The following RBBP4 variants were observed in gnomAD, a reference collection of about 807,000 sequenced individuals.
RBBP4 encodes RB binding protein 4, chromatin remodeling factor, also known as histone-binding protein RBBP4.
A neutral mutation model predicts 57.2 loss-of-function variants in RBBP4; 3 were observed. The observed-to-expected ratio is 0.05, with a 90% CI of 0.02 to 0.14. The LOEUF (loss-of-function observed/expected upper bound fraction) is 0.14. Ranked by LOEUF, RBBP4 falls within the 10% of genes least tolerant of loss-of-function variation. The pLI, the probability that RBBP4 is intolerant of heterozygous loss-of-function variation, is 1.00. For synonymous variants in RBBP4, 151 were observed against 171.5 expected, an observed-to-expected ratio of 0.88 and a Z score of 0.93; for missense variants, 107 against 520.6, an observed-to-expected ratio of 0.21 and a Z score of 7.73.
chr1:32,654,384 A>G lies in RBBP4; in HGVS notation c.164+2323A>G, dbSNP rs1051687181. Among the ~76,000 whole-genome samples, 5 of 152,242 alleles carry G rather than the reference A, an allele frequency of 3.3e-5. No individual in the cohort carries two copies. In the East Asian group the frequency reaches 9.7e-4, roughly 29 times the overall value. The stretch of plus-strand genomic sequence containing the variant: ...GGGATTGCCACCCTGTCTCAAAGAA[A>G]AAGAACTTGTGGCAGAGTACTTAAT... On this transcript the variant is annotated intron_variant, in intron 2 of 11. Transcript: ENST00000373493.
chr1:32,678,593 TTTTTTTTTTTTTTTG>T (rs1649227525), intron 11 of RBBP4, among the ~76,000 whole-genome samples: 3 of 102,950 alleles, frequency 2.9e-5, no homozygotes, highest in African/African-American at 1.6e-4. Context: ...TTTTTTTTTT[TTTTTTTTTTTTTTTG>T]GCACACAGTC....
chr1:32,662,206 G>GT (rs1169700847), intron 3 of RBBP4: 2 of 347,654 alleles, frequency 5.8e-6, no homozygotes, highest in African/African-American at 4.4e-5. Context: ...TTGGGGTTTT[G>GT]TTTTATTTTT....
chr1:32,667,969 A>G (rs1029471844), intron 3 of RBBP4, among the ~76,000 whole-genome samples: 6 of 152,306 alleles, frequency 3.9e-5, no homozygotes, highest in East Asian at 1.9e-4. Flanking sequence ...GAATATTTTC[A>G]ATTAATGGCT....
chr1:32,651,292 G>C lies in RBBP4; in HGVS notation c.-15G>C, dbSNP rs1424785079. 20 of 1,483,558 alleles carry C rather than the reference G, an allele frequency of 1.3e-5. No individual in the cohort carries two copies. In the Admixed American group the frequency reaches 3.5e-4, roughly 26 times the overall value. 91.9% of individuals were successfully genotyped at this position (1,483,558 alleles called of 1,614,324 possible). ...AACGCTCGACCCCAGGATTCCCCCG[G>C]CTCGCCTGCCCGCCATGGCCGACAA... On this transcript the variant is annotated 5_prime_UTR_variant, in exon 1 of 12. Coordinates refer to ENST00000373493, the MANE Select transcript of RBBP4 (RefSeq NM_005610.3).
At chr1:32,654,662 A>G (rs1648053830) in intron 2 of RBBP4, among the ~76,000 whole-genome samples, 1 of 152,198 alleles carries the variant, frequency 6.6e-6, no homozygotes, top group African/African-American at 2.4e-5. Flanking sequence ...GCAAATCTAG[A>G]TAAATAATGT....
chr1:32,655,318 A>G (rs898020482), intron 2 of RBBP4, among the ~76,000 whole-genome samples: 2 of 152,172 alleles, frequency 1.3e-5, no homozygotes, highest in African/African-American at 4.8e-5. Flanking sequence ...ACAAGCAAGC[A>G]GCCCTGATGC....
At chr1:32,661,780 C>G (rs1648422169) in intron 3 of RBBP4, among the ~76,000 whole-genome samples, 1 of 122,376 alleles carries the variant, frequency 8.2e-6, no homozygotes, top group Admixed American at 9.4e-5. Flanking sequence ...TTGCATTTTT[C>G]TGATGATTGG....
At chr1:32,667,337 C>T (rs112470553) in intron 3 of RBBP4, among the ~76,000 whole-genome samples, 97 of 152,348 alleles carry the variant, frequency 6.4e-4, no homozygotes, top group Middle Eastern at 3.4e-3. Flanking sequence ...AAAACGCTGA[C>T]GTATGCTGCC....
In RBBP4 at chr1:32,680,736, G is replaced by C. The variant is rs570926042; in HGVS notation, c.*1031G>C. ...TTCTAGAAGAGTCCTTCAGATGACA[G>C]TTGTTGTCCATGGTCTTTGACTATC... On this transcript the variant is annotated 3_prime_UTR_variant, in exon 12 of 12. Coordinates refer to ENST00000373493, the MANE Select transcript of RBBP4 (RefSeq NM_005610.3). 2 of 548,336 alleles carry C rather than the reference G, an allele frequency of 3.6e-6. No individual in the cohort carries two copies. The highest frequency in any genetic ancestry group is 3.1e-5 in the East Asian group (1 of 31,976). 34.0% of individuals were successfully genotyped at this position (548,336 alleles called of 1,614,324 possible). A position where few individuals can be genotyped will look rare whatever the true frequency, so the allele number is the denominator to read the frequency against.
intron 3 of RBBP4, among the ~76,000 whole-genome samples, chr1:32,662,659 C>T (rs1648475144): frequency 6.6e-6 from 1 of 151,900 alleles, no homozygotes; most frequent in African/African-American, 2.4e-5. Context: ...TAGGCGTGAG[C>T]CACCATGCCC....
At position 32,659,321 on chromosome 1, in the gene RBBP4, G is replaced by A. The variant is rs555865419; in HGVS notation, c.310+1749G>A. Reference sequence around the variant, plus strand: ...CACTCCTGTAATCCCAGCACTTTGGGAGGCTGAGACCAGTGGATCACTTGA... The same window carrying A: ...CACTCCTGTAATCCCAGCACTTTGGAAGGCTGAGACCAGTGGATCACTTGA... On this transcript the variant is annotated intron_variant, in intron 3 of 11. Transcript: ENST00000373493. Among the ~76,000 whole-genome samples, 7 of 151,964 alleles carry A rather than the reference G, an allele frequency of 4.6e-5. No individual in the cohort carries two copies. In the East Asian group the frequency reaches 1.4e-3, roughly 29 times the overall value.
chr1:32,657,324 T>C (rs999471062), intron 2 of RBBP4, 103 bp from the exon 3 acceptor site: 10 of 1,186,756 alleles, frequency 8.4e-6, no homozygotes, highest in Non-Finnish European at 1.1e-5. Context: ...TCCCCTCTCT[T>C]AAAACCTGGT....
chr1:32,673,630 G>T (rs1162145625), intron 11 of RBBP4: 2 of 257,398 alleles, frequency 7.8e-6, no homozygotes, highest in Non-Finnish European at 1.6e-5. Context: ...AGTAGAGACG[G>T]TTTCACTATG....
At chr1:32,668,487 T>C in intron 4 of RBBP4, 89 bp downstream of exon 4, 1 of 1,315,762 alleles carries the variant, frequency 7.6e-7, no homozygotes, top group Non-Finnish European at 1.1e-6. Flanking sequence ...TGTTACTCTG[T>C]GTAATTTAAC....
rs1021649031 is a variant in RBBP4, at chr1:32,683,734, G to A, written c.*4029G>A. 10 of 339,638 alleles carry A rather than the reference G, an allele frequency of 2.9e-5. No homozygotes were observed. Among genetic ancestry groups the A allele is most frequent in the Non-Finnish European group, 5.5e-5 (10 of 180,406 alleles). 21.0% of individuals were successfully genotyped at this position (339,638 alleles called of 1,614,324 possible). On this transcript the variant is annotated 3_prime_UTR_variant, in exon 12 of 12. Transcript: ENST00000373493. Reference sequence around the variant, plus strand: ...CTGCAACCTCTGCCTCCTGGTTCAAGCGATTCTCCTGCCTTGGCCTCCTGA... The same window carrying A: ...CTGCAACCTCTGCCTCCTGGTTCAAACGATTCTCCTGCCTTGGCCTCCTGA...
At chr1:32,674,059 T>C (rs1648992905) in intron 11 of RBBP4, among the ~76,000 whole-genome samples, 1 of 152,106 alleles carries the variant, frequency 6.6e-6, no homozygotes, top group African/African-American at 2.4e-5. Flanking sequence ...CAAGATTGCG[T>C]CACTGCACTC....
At chr1:32,671,081 A>C (rs1374866368) in intron 8 of RBBP4, among the ~76,000 whole-genome samples, 1 of 152,146 alleles carries the variant, frequency 6.6e-6, no homozygotes, top group Non-Finnish European at 1.5e-5. Context: ...TTGGTAGCAA[A>C]CTCTGATTGT....
chr1:32,652,999 C>T (rs1647952651), intron 2 of RBBP4, among the ~76,000 whole-genome samples: 1 of 152,236 alleles, frequency 6.6e-6, no homozygotes, highest in East Asian at 1.9e-4. Flanking sequence ...TAGAAAACAC[C>T]TGAAGGTGGA....
At chr1:32,652,976 T>G (rs1166113588) in intron 2 of RBBP4, among the ~76,000 whole-genome samples, 1 of 152,200 alleles carries the variant, frequency 6.6e-6, no homozygotes, top group Non-Finnish European at 1.5e-5. Context: ...TGTAGAGAGA[T>G]AATTAGGGTA....
Sources: gnomAD v4.1 joint callset for allele counts (sites outside exome capture counted in the v4.1 genomes callset) on GRCh38, gnomAD v4.1.1 for gene constraint, MANE v1.5 for transcripts, NCBI Gene and HGNC (gene_info 2026-07-23, HGNC 2026-07-21) for gene names.